ANKRD30A: variants seen among roughly 807,000 people sequenced by gnomAD.
The protein encoded by ANKRD30A is ankyrin repeat domain 30A, also known as ankyrin repeat domain-containing protein 30A.
Under a neutral mutation model 166.3 loss-of-function variants are expected in ANKRD30A, and 170 were observed. The ratio of observed to expected loss-of-function variants is 1.02; its 90% CI spans 0.90 to 1.16. The LOEUF (loss-of-function observed/expected upper bound fraction) is 1.16. Ranked by LOEUF, ANKRD30A falls within the 50% of genes most tolerant of loss-of-function variation. The pLI is 0.00. For missense variants in ANKRD30A, 1,630 were observed against 1,518.0 expected, an observed-to-expected ratio of 1.07 and a Z score of -1.23; for synonymous variants, 564 against 508.9, an observed-to-expected ratio of 1.11 and a Z score of -1.46.
Position 37,216,318 on chromosome 10 carries a change from C to CT in ANKRD30A, c.3008dup (p.Ser1004ValfsTer16). On this transcript the variant is annotated frameshift_variant, in exon 32 of 36. Coordinates refer to ENST00000361713, the MANE Select transcript of ANKRD30A (RefSeq NM_052997.3). LOFTEE classifies it high-confidence loss of function. Reference sequence around the variant, plus strand: ...GAAGTTTTGTGTACTGAAAAAGAAACTGTCAGAAGCAAAAGAAATAAAATC... The same window carrying CT: ...GAAGTTTTGTGTACTGAAAAAGAAACTTGTCAGAAGCAAAAGAAATAAAATC... 6.2e-7 allele frequency: 1 copy of CT among 1,608,582 alleles called. No homozygotes were observed. The highest frequency in any genetic ancestry group is 8.5e-7 in the Non-Finnish European group (1 of 1,176,476).
rs529450329 is a variant in ANKRD30A at position 37,228,293 on chromosome 10, A to G, written c.4186-3168A>G. ...AGCATTGTGGTACAACATAAAGATT[A>G]AATGGTTAACTTCTTCATATAGACA... is the stretch of plus-strand genomic sequence containing the variant. On this transcript the variant is annotated intron_variant, in intron 34 of 35. Coordinates refer to ENST00000361713, the MANE Select transcript of ANKRD30A (RefSeq NM_052997.3). Among the ~76,000 whole-genome samples, 4 of 152,118 alleles carry G rather than the reference A, an allele frequency of 2.6e-5. No individual in the cohort carries two copies. The South Asian group carries it at 8.3e-4, about 31-fold the overall frequency.
At position 37,219,074 on chromosome 10, in the gene ANKRD30A, T is replaced by C. The variant is rs367841401; in HGVS notation, c.3362T>C (p.Leu1121Pro). 1.9e-6 allele frequency: 3 copies of C among 1,608,514 alleles called. No homozygotes were observed. The African/African-American group carries it at 4.0e-5, about 22-fold the overall frequency. ...IAMLKLEIAT[L>P]KHQYQEKENK... ...ATGCTAAAACTGGAAATAGCCACAC[T>C]GAAACACCAATACCAGGAAAAGGAA... Residue 1121 changes from leucine (L) to proline (P), a missense_variant, in exon 34 of 36, where the codon CTG becomes CCG. By Grantham distance (98) the Leu-to-Pro change is moderately conservative. Around this residue, in one of 4 missense-constraint regions of ANKRD30A, gnomAD observed 712 missense variants for 629.3 expected, o/e 1.13. Coordinates refer to ENST00000361713, the MANE Select transcript of ANKRD30A (RefSeq NM_052997.3).
intron 29 of ANKRD30A, 22 bp downstream of exon 29, chr10:37,197,502 T>A: frequency 2.5e-6 from 4 of 1,611,832 alleles, no homozygotes; most frequent in Non-Finnish European, 8.5e-7. Flanking sequence ...AATGTAACTA[T>A]GCGAAGACCA....
At chr10:37,129,661 C>G (rs775708877) in intron 1 of ANKRD30A, among the ~76,000 whole-genome samples, 3 of 152,092 alleles carry the variant, frequency 2.0e-5, no homozygotes, top group Non-Finnish European at 2.9e-5. Flanking sequence ...TATTCAAGCC[C>G]GAGTTGAACT....
chr10:37,199,808 T>A lies in ANKRD30A; in HGVS notation c.2778+20T>A. On this transcript the variant is annotated intron_variant, in intron 30 of 35. Transcript: ENST00000361713. ...TCTGAGGTACTATGTGTTATTGATTTTTTTAAATATTAGTATTGCATGATA... is the reference window on the plus strand; with the variant it reads ...TCTGAGGTACTATGTGTTATTGATTATTTTAAATATTAGTATTGCATGATA... The A allele has an allele frequency of 7.0e-7, 1 of 1,432,360 alleles. No individual in the cohort carries two copies. The highest frequency in any genetic ancestry group is 9.7e-7 in the Non-Finnish European group (1 of 1,033,698). 88.7% of individuals were successfully genotyped at this position (1,432,360 alleles called of 1,614,324 possible).
intron 5 of ANKRD30A, among the ~76,000 whole-genome samples, 182 bp downstream of exon 5, chr10:37,134,235 ATGT>A (rs1373603662): frequency 2.5e-4 from 38 of 152,256 alleles, no homozygotes; most frequent in African/African-American, 8.9e-4. Flanking sequence ...AGGGATCCTA[ATGT>A]TGTCTACTTG....
chr10:37,246,134 A>C, the ANKRD30A span, among the ~76,000 whole-genome samples: 3 of 152,232 alleles, frequency 2.0e-5, no homozygotes, highest in Non-Finnish European at 4.4e-5. Context: ...ACCAAGGTGC[A>C]AAAATCACTG....
At chr10:37,199,500 A>C (rs773500804) in intron 29 of ANKRD30A, among the ~76,000 whole-genome samples, 30 of 152,036 alleles carry the variant, frequency 2.0e-4, no homozygotes, top group Non-Finnish European at 2.9e-4. Flanking sequence ...AGTTAGTCAA[A>C]TTTATATTTT....
At chr10:37,215,754 C>T (rs889255947) in intron 31 of ANKRD30A, among the ~76,000 whole-genome samples, 2 of 151,434 alleles carry the variant, frequency 1.3e-5, no homozygotes, top group African/African-American at 4.8e-5. Flanking sequence ...CCATTGTTCT[C>T]TTTTGGCTGG....
At chr10:37,147,271 C>T (rs1837575668) in intron 8 of ANKRD30A, 99 bp from the exon 9 acceptor site, 1 of 945,058 alleles carries the variant, frequency 1.1e-6, no homozygotes, top group African/African-American at 1.7e-5. Flanking sequence ...ATCAAATTGC[C>T]TTTGAAGTCA....
intron 31 of ANKRD30A, among the ~76,000 whole-genome samples, chr10:37,214,568 CT>C (rs1187397489): frequency 9.6e-5 from 14 of 145,644 alleles, no homozygotes; most frequent in African/African-American, 3.0e-4. Context: ...ATATGTATAA[CT>C]TTTTTAGTTA....
chr10:37,190,475 G>C (rs1171529514), intron 25 of ANKRD30A, among the ~76,000 whole-genome samples: 2 of 151,762 alleles, frequency 1.3e-5, no homozygotes, highest in Non-Finnish European at 2.9e-5. Context: ...ATTATAGATG[G>C]AAGATACTAC....
intron 29 of ANKRD30A, among the ~76,000 whole-genome samples, chr10:37,197,956 A>ATG (rs914021074): frequency 1.8e-4 from 28 of 151,786 alleles, no homozygotes; most frequent in African/African-American, 6.8e-4. Flanking sequence ...CTGTGTGTTT[A>ATG]TGTGTGTGTG....
At chr10:37,243,370 T>G in the ANKRD30A span, among the ~76,000 whole-genome samples, 1 of 151,546 alleles carries the variant, frequency 6.6e-6, no homozygotes, top group South Asian at 2.1e-4. Context: ...GGTCTGGATC[T>G]CCTGACCTCG....
At chr10:37,225,338 A>T (rs1235849162) in intron 34 of ANKRD30A, among the ~76,000 whole-genome samples, 1 of 151,774 alleles carries the variant, frequency 6.6e-6, no homozygotes, top group Non-Finnish European at 1.5e-5. Context: ...TGTTTGTTTA[A>T]GAAATTATTA....
intron 31 of ANKRD30A, among the ~76,000 whole-genome samples, chr10:37,207,449 G>A (rs1275856185): frequency 1.3e-5 from 2 of 151,928 alleles, no homozygotes; most frequent in Non-Finnish European, 2.9e-5. Context: ...AATTTTCCTT[G>A]TGTGTTCTTT....
chr10:37,219,600 G>A lies in ANKRD30A; in HGVS notation c.3888G>A (p.Lys1296=). 6.2e-7 allele frequency: 1 copy of A among 1,610,184 alleles called. No individual in the cohort carries two copies. The highest frequency in any genetic ancestry group is 8.5e-7 in the Non-Finnish European group (1 of 1,177,658). ...AACGTGAAACACAGTGTCAAATGAA[G>A]GAAGCTGAACACATGTATCAAAACG... is the stretch of plus-strand genomic sequence containing the variant. The part of the protein sequence containing the change: ...RDQRETQCQM[K]EAEHMYQNEQ... Residue 1296 remains lysine (K), a synonymous_variant, in exon 34 of 36, where the codon AAG becomes AAA. Coordinates refer to ENST00000361713, the MANE Select transcript of ANKRD30A (RefSeq NM_052997.3).
Position 37,217,776 on chromosome 10 carries a change from C to T in ANKRD30A, c.3165C>T (p.Ile1055=), listed in dbSNP as rs369533113. The change falls in exon 33 of 36, where the codon ATC becomes ATT. Residue 1055 remains isoleucine (I), a synonymous_variant. Coordinates refer to ENST00000361713, the MANE Select transcript of ANKRD30A (RefSeq NM_052997.3). ...NEKIREELGR[I]EEQHRKELEV... ...AAATTAGGGAAGAATTAGGAAGAATCGAAGAGCAGCATAGGAAAGAGTTAG... is the reference window on the plus strand; with the variant it reads ...AAATTAGGGAAGAATTAGGAAGAATTGAAGAGCAGCATAGGAAAGAGTTAG... 6.9e-6 allele frequency: 11 copies of T among 1,596,442 alleles called. No homozygotes were observed. Among genetic ancestry groups the T allele is most frequent in the African/African-American group, 2.7e-5 (2 of 73,620 alleles).
In ANKRD30A at chr10:37,217,733, C is replaced by A. The variant is rs1240222089; in HGVS notation, c.3122C>A (p.Ala1041Asp). ...LNQEEEKRRN[A>D]DILNEKIREE... ...CAAGAAGAAGAGAAGAGAAGAAATG[C>A]CGATATATTAAATGAAAAAATTAGG... is the stretch of plus-strand genomic sequence containing the variant. Residue 1041 changes from alanine (A) to aspartate (D), a missense_variant, in exon 33 of 36, where the codon GCC becomes GAC. Around this residue, in one of 4 missense-constraint regions of ANKRD30A, gnomAD observed 712 missense variants for 629.3 expected, o/e 1.13. Transcript: ENST00000361713. 2 of 1,585,876 alleles carry A rather than the reference C, an allele frequency of 1.3e-6. No homozygotes were observed. The highest frequency in any genetic ancestry group is 1.7e-6 in the Non-Finnish European group (2 of 1,167,102).
Sources: allele counts gnomAD v4.1 joint callset (sites outside exome capture counted in the v4.1 genomes callset), GRCh38; gene constraint gnomAD v4.1.1; regional missense constraint gnomAD v4.1.1; transcripts MANE v1.5; gene names NCBI Gene and HGNC (gene_info 2026-07-23, HGNC 2026-07-21).